The following THSD4 variants were observed in gnomAD, a reference collection of about 807,000 sequenced individuals.
THSD4 encodes the protein thrombospondin type-1 domain-containing protein 4.
Under a neutral mutation model 119.0 loss-of-function variants are expected in THSD4, and 69 were observed. The observed-to-expected ratio is 0.58, with a 90% CI of 0.48 to 0.71. The LOEUF (loss-of-function observed/expected upper bound fraction) is 0.71, where lower values mean the gene tolerates loss of function less well. THSD4 is among the 30% of genes least tolerant of loss of function. The pLI is 0.00. For synonymous variants in THSD4, 524 were observed against 540.4 expected (o/e 0.97, Z 0.42); for missense variants, 1,393 against 1,391.1 (o/e 1.00, Z -0.02).
intron 4 of THSD4, among the ~76,000 whole-genome samples, chr15:71,224,766 C>A (rs895271146): frequency 6.6e-6 from 1 of 152,142 alleles, no homozygotes; most frequent in African/African-American, 2.4e-5. Flanking sequence ...TCACTCTAAT[C>A]TCTTGCTTCT....
At chr15:71,401,253 CA>C (rs1000143873) in intron 6 of THSD4, among the ~76,000 whole-genome samples, 27 of 152,170 alleles carry the variant, frequency 1.8e-4, no homozygotes, top group African/African-American at 5.8e-4. Flanking sequence ...CCTAAGAATA[CA>C]GCAAGAAGTT....
chr15:71,492,542 C>T (rs28472884), intron 7 of THSD4, among the ~76,000 whole-genome samples: 8,227 of 152,176 alleles, frequency 0.054, 745 homozygotes, highest in African/African-American at 0.19. Context: ...CCACCTCGGC[C>T]TCCCAAAGTG....
intron 6 of THSD4, among the ~76,000 whole-genome samples, chr15:71,370,590 T>C (rs1487133698): frequency 3.9e-5 from 6 of 152,304 alleles, no homozygotes; most frequent in South Asian, 2.1e-4. Flanking sequence ...AGTTGAGCGG[T>C]TTTGAGTGAG....
In THSD4 at chr15:71,377,875, C is replaced by CACACACACACACACACACACACACACAA. The variant is rs2046163260; in HGVS notation, c.1016-33785_1016-33784insAACACACACACACACACACACACACACA. 2.6e-3 allele frequency among the ~76,000 whole-genome samples: 191 copies of CACACACACACACACACACACACACACAA among 72,464 alleles called. 3 individuals carry two copies. The highest frequency in any genetic ancestry group is 4.5e-3 in the South Asian group (9 of 2,014). 47.5% of individuals were successfully genotyped at this position (72,464 alleles called of 152,430 possible). ...TTCCCGGACATATCCACAACACACA[C>CACACACACACACACACACACACACACAA]ACACACACACACACACACACACACA... On this transcript the variant is annotated intron_variant, in intron 6 of 17. Coordinates refer to ENST00000261862, the MANE Select transcript of THSD4 (RefSeq NM_024817.3).
chr15:71,658,098 A>G (rs942581280), intron 7 of THSD4, among the ~76,000 whole-genome samples: 1 of 152,140 alleles, frequency 6.6e-6, no homozygotes, highest in African/African-American at 2.4e-5. Context: ...TCTCCACTCT[A>G]GGTAAGGCCC....
intron 4 of THSD4, 144 bp from the exon 5 acceptor site, chr15:71,242,505 T>C (rs1191426834): frequency 1.2e-6 from 1 of 830,732 alleles, no homozygotes; most frequent in Non-Finnish European, 1.9e-6. Flanking sequence ...CTAAAATGCG[T>C]TCCCCCTGCT....
At chr15:71,497,137 C>T (rs1034957978) in intron 7 of THSD4, among the ~76,000 whole-genome samples, 13 of 152,132 alleles carry the variant, frequency 8.5e-5, no homozygotes, top group Non-Finnish European at 1.5e-4. Context: ...AACCTTTCTG[C>T]GATGATAATA....
intron 7 of THSD4, among the ~76,000 whole-genome samples, chr15:71,511,879 C>T (rs994677312): frequency 2.6e-5 from 4 of 152,148 alleles, no homozygotes; most frequent in Non-Finnish European, 4.4e-5. Context: ...CCCACAGAGA[C>T]GGTGTCGGGA....
intron 11 of THSD4, among the ~76,000 whole-genome samples, chr15:71,744,426 G>C (rs1425675003): frequency 1.3e-5 from 2 of 152,154 alleles, no homozygotes; most frequent in Non-Finnish European, 2.9e-5. Context: ...CAAATGCTCA[G>C]ATCACTGAAA....
intron 6 of THSD4, among the ~76,000 whole-genome samples, chr15:71,357,688 G>GGA (rs1459090488): frequency 6.6e-6 from 1 of 152,152 alleles, no homozygotes; most frequent in African/African-American, 2.4e-5. Flanking sequence ...CAGAGGAAGG[G>GGA]GAGTGCACAT....
At chr15:71,108,678 C>T (rs942447680) in intron 1 of THSD4, among the ~76,000 whole-genome samples, 2 of 152,128 alleles carry the variant, frequency 1.3e-5, no homozygotes, top group South Asian at 2.1e-4. Context: ...TCCCCTGGGC[C>T]TCTGTTTTTT....
chr15:71,634,704 C>G (rs2050704450), intron 7 of THSD4, among the ~76,000 whole-genome samples: 1 of 152,118 alleles, frequency 6.6e-6, no homozygotes, highest in Non-Finnish European at 1.5e-5. Flanking sequence ...AAGATCTCCT[C>G]GGAAGTCAAG....
In THSD4 at chr15:71,419,879, T is replaced by C. The variant is rs1423183781; in HGVS notation, c.1152+8056T>C. Among the ~76,000 whole-genome samples, 2 of 108,826 alleles carry C rather than the reference T, an allele frequency of 1.8e-5. 1 individual carries two copies. Among genetic ancestry groups the C allele is most frequent in the Non-Finnish European group, 4.0e-5 (2 of 49,438 alleles). 71.4% of individuals were successfully genotyped at this position (108,826 alleles called of 152,430 possible). ...CCATGTTTTTGAATGTTTTAGGACT[T>C]GTTTGGTGGCCTAACATATGGTCTA... On this transcript the variant is annotated intron_variant, in intron 7 of 17. Transcript: ENST00000261862.
intron 7 of THSD4, among the ~76,000 whole-genome samples, chr15:71,647,854 T>C (rs142636249): frequency 0.012 from 1,779 of 152,216 alleles, 11 homozygotes; most frequent in Middle Eastern, 0.017. Flanking sequence ...CAAGAGACGC[T>C]ATAGGAGATG....
At chr15:71,100,710 T>C (rs2040250674) in intron 1 of THSD4, among the ~76,000 whole-genome samples, 1 of 152,244 alleles carries the variant, frequency 6.6e-6, no homozygotes, top group Admixed American at 6.5e-5. Context: ...CTGGGTGCAG[T>C]GGCTCATGAC....
At chr15:71,216,830 C>T (rs1232833307) in intron 4 of THSD4, among the ~76,000 whole-genome samples, 1 of 152,218 alleles carries the variant, frequency 6.6e-6, no homozygotes, top group South Asian at 2.1e-4. Flanking sequence ...CAGAGTCTCA[C>T]GCTGTCACCC....
chr15:71,652,678 C>G (rs2051115627), intron 7 of THSD4, among the ~76,000 whole-genome samples: 1 of 152,116 alleles, frequency 6.6e-6, no homozygotes, highest in Non-Finnish European at 1.5e-5. Flanking sequence ...TTGATTCTTA[C>G]CCAGTTTTAT....
chr15:71,611,163 A>G (rs2140910914), intron 7 of THSD4, among the ~76,000 whole-genome samples: 1 of 152,356 alleles, frequency 6.6e-6, no homozygotes, highest in East Asian at 1.9e-4. Context: ...CCAGTTTTGC[A>G]GTTGTGCAAT....
chr15:71,350,005 C>A (rs557705838), intron 6 of THSD4, among the ~76,000 whole-genome samples: 1 of 151,892 alleles, frequency 6.6e-6, no homozygotes, highest in East Asian at 1.9e-4. Flanking sequence ...GCTGACATGC[C>A]GTTATTTAAA....
Sources: gnomAD v4.1 joint callset for allele counts (sites outside exome capture counted in the v4.1 genomes callset) on GRCh38, gnomAD v4.1.1 for gene constraint, MANE v1.5 for transcripts, NCBI Gene and HGNC (gene_info 2026-07-23, HGNC 2026-07-21) for gene names.